Variants in DNMT3A observed in about 807,000 individuals in gnomAD.
DNMT3A encodes DNA methyltransferase 3 alpha.
In DNMT3A, 267 loss-of-function variants were observed where a neutral mutation model predicts 117.6. The observed-to-expected ratio is 2.27, with a 90% CI of 2.05 to 2.51. The LOEUF is 2.51. Ranked by LOEUF, DNMT3A falls within the 30% of genes most tolerant of loss-of-function variation. The pLI is 0.00. For missense variants in DNMT3A, 1,029 were observed against 1,260.2 expected (o/e 0.82, Z 2.78); for synonymous variants, 432 against 474.8 (o/e 0.91, Z 1.17).
intron 6 of DNMT3A, among the ~76,000 whole-genome samples, chr2:25,271,914 G>T (rs976295857): frequency 6.6e-6 from 1 of 152,212 alleles, no homozygotes; most frequent in Non-Finnish European, 1.5e-5. Context: ...CTGGAGCCAG[G>T]TGATGGCAAT....
At position 25,314,618 on chromosome 2, in the gene DNMT3A, G is replaced by A. The variant is rs1274442444; in HGVS notation, c.-177-457C>T. The A allele has an allele frequency of 3.0e-6, 3 of 985,258 alleles. No homozygotes were observed. In the African/African-American group the frequency reaches 5.2e-5, roughly 17 times the overall value. The allele number at this position is 985,258 out of a possible 1,614,324, so 61.0% of individuals were successfully genotyped here. ...CTCCCGCCACGTGGAGGAAGTGAGT[G>A]CAGTCACAGGATGTAGTGAAATGAA... On this transcript the variant is annotated intron_variant, in intron 1 of 22. Transcript: ENST00000321117.
At chr2:25,332,784 G>A (rs921206663) in intron 1 of DNMT3A, among the ~76,000 whole-genome samples, 3 of 152,254 alleles carry the variant, frequency 2.0e-5, no homozygotes, top group African/African-American at 7.2e-5. Flanking sequence ...CAGTTGGGCT[G>A]GGAACCACCA....
intron 6 of DNMT3A, 53 bp downstream of exon 6, chr2:25,274,888 T>C: frequency 6.4e-7 from 1 of 1,571,440 alleles, no homozygotes; most frequent in Non-Finnish European, 8.7e-7. Flanking sequence ...CCATCACTTC[T>C]GGTTTTCCAG....
chr2:25,264,128 T>G (rs1359576987), intron 6 of DNMT3A, among the ~76,000 whole-genome samples: 4 of 134,470 alleles, frequency 3.0e-5, no homozygotes, highest in Non-Finnish European at 6.4e-5. Flanking sequence ...TGGACAACCC[T>G]TTGGTTTTTT....
At chr2:25,263,939 C>T (rs2029922642) in intron 6 of DNMT3A, among the ~76,000 whole-genome samples, 1 of 152,174 alleles carries the variant, frequency 6.6e-6, no homozygotes. Context: ...AACAACCCTG[C>T]CCTGGCTACA....
At chr2:25,288,360 G>A (rs1402174893) in intron 3 of DNMT3A, among the ~76,000 whole-genome samples, 2 of 151,958 alleles carry the variant, frequency 1.3e-5, no homozygotes, top group African/African-American at 2.4e-5. Context: ...GAACCTAGGA[G>A]GCAGAGCTTG....
In DNMT3A at chr2:25,232,128, GTATT is replaced by G. The variant is rs1672906918; in HGVS notation, c.*2147_*2150del. On this transcript the variant is annotated 3_prime_UTR_variant, in exon 23 of 23. Coordinates refer to ENST00000321117, the MANE Select transcript of DNMT3A (RefSeq NM_022552.5). The surrounding 1 kb of genome is among the most constrained non-coding windows in gnomAD (Gnocchi z 4.1). ...ATTTCTTAAACATGACCCTATCTAT[GTATT>G]TATAGAGCGCCTATCACTGTAGGCC... is the stretch of plus-strand genomic sequence containing the variant. The G allele has an allele frequency of 6.6e-6, 1 of 152,086 alleles. No homozygotes were observed. The highest frequency in any genetic ancestry group is 1.5e-5 in the Non-Finnish European group (1 of 68,008). The allele number at this position is 152,086 out of a possible 1,614,324, so 9.4% of individuals were successfully genotyped here.
At chr2:25,278,618 G>C (rs1303359002) in intron 4 of DNMT3A, among the ~76,000 whole-genome samples, 1 of 152,194 alleles carries the variant, frequency 6.6e-6, no homozygotes, top group East Asian at 1.9e-4. Flanking sequence ...TTGAGATCAG[G>C]AGTCCACGAC....
At chr2:25,302,603 T>C (rs1041866820) in intron 2 of DNMT3A, among the ~76,000 whole-genome samples, 2 of 152,142 alleles carry the variant, frequency 1.3e-5, no homozygotes, top group African/African-American at 4.8e-5. Context: ...GGAGCCTTCA[T>C]GAGGGCTCAG....
In DNMT3A at chr2:25,252,833, A is replaced by C. The variant is rs73920659; in HGVS notation, c.640-4581T>G. 3.4e-3 allele frequency among the ~76,000 whole-genome samples: 514 copies of C among 151,454 alleles called. 4 individuals are homozygous for C. The highest frequency in any genetic ancestry group is 0.011 in the African/African-American group (465 of 41,306). ...AGGAAGCTGTAGGAAAACTCAGCACACAGACGGAGAGTGACAGCAGGCGCG... is the reference window on the plus strand; with the variant it reads ...AGGAAGCTGTAGGAAAACTCAGCACCCAGACGGAGAGTGACAGCAGGCGCG... On this transcript the variant is annotated intron_variant, in intron 6 of 22. Coordinates refer to ENST00000321117, the MANE Select transcript of DNMT3A (RefSeq NM_022552.5). This position sits in a 1 kb window ranked among gnomAD's most constrained non-coding sequence, Gnocchi z 5.5.
intron 1 of DNMT3A, among the ~76,000 whole-genome samples, chr2:25,325,334 G>A (rs913925686): frequency 6.6e-6 from 1 of 152,210 alleles, no homozygotes; most frequent in Non-Finnish European, 1.5e-5. Flanking sequence ...CAGGGGCACA[G>A]GGTGGCACAG....
Position 25,337,596 on chromosome 2 carries a change from T to C in DNMT3A, c.-178+4230A>G, listed in dbSNP as rs570293596. ...CTCAAGCTGCCTTGACACTGGCTCA[T>C]GTGGAAGCAAGTCCTACCCATCCAC... On this transcript the variant is annotated intron_variant, in intron 1 of 22. Transcript: ENST00000321117. This position sits in a 1 kb window ranked among gnomAD's most constrained non-coding sequence, Gnocchi z 5.0. Among the ~76,000 whole-genome samples, 83 of 152,344 alleles carry C rather than the reference T, an allele frequency of 5.4e-4. No individual in the cohort carries two copies. The highest frequency in any genetic ancestry group is 1.9e-3 in the African/African-American group (77 of 41,592).
rs1174183975 is a variant in DNMT3A at position 25,286,653 on chromosome 2, A to T, written c.178-3942T>A. Among the ~76,000 whole-genome samples the T allele has an allele frequency of 6.6e-6, 1 of 152,260 alleles. No homozygotes were observed. Among genetic ancestry groups the T allele is most frequent in the African/African-American group, 2.4e-5 (1 of 41,464 alleles). On this transcript the variant is annotated intron_variant, in intron 3 of 22. Transcript: ENST00000321117. This position sits in a 1 kb window ranked among gnomAD's most constrained non-coding sequence, Gnocchi z 4.3. ...CCCTCAATGGGGCTCTCTGGGGCTCAGGGTGACCAGCAGGACAAAACCATC... is the reference window on the plus strand; with the variant it reads ...CCCTCAATGGGGCTCTCTGGGGCTCTGGGTGACCAGCAGGACAAAACCATC...
chr2:25,235,743 TC>T lies in DNMT3A; in HGVS notation c.2560del (p.Glu854ArgfsTer27). On this transcript the variant is annotated frameshift_variant, in exon 22 of 23. Transcript: ENST00000321117. LOFTEE classifies it high-confidence loss of function. ...KDQHFPVFMN[E>X]KEDILWCTEM... is the part of the protein sequence containing the mutation. ...AGTGCACCATAAGATGTCCTCTTTC[TC>T]ATTCATGAAGACAGGAAAATGCTGG... The T allele has an allele frequency of 6.2e-7, 1 of 1,614,180 alleles. No individual in the cohort carries two copies. Among genetic ancestry groups the T allele is most frequent in the Non-Finnish European group, 8.5e-7 (1 of 1,180,012 alleles).
chr2:25,333,221 T>G (rs1400958270), intron 1 of DNMT3A, among the ~76,000 whole-genome samples: 3 of 34,728 alleles, frequency 8.6e-5, no homozygotes, highest in African/African-American at 3.4e-4. Context: ...CTGTGGCCCC[T>G]GACTCCCAGC....
At chr2:25,319,662 C>A (rs1327783792) in intron 1 of DNMT3A, among the ~76,000 whole-genome samples, 1 of 152,240 alleles carries the variant, frequency 6.6e-6, no homozygotes, top group African/African-American at 2.4e-5. Flanking sequence ...CCGTCATCAC[C>A]ATGCCCTCTG....
Position 25,312,142 on chromosome 2 carries a change from C to T in DNMT3A, c.72+1771G>A, listed in dbSNP as rs1244404815. Among the ~76,000 whole-genome samples the T allele has an allele frequency of 2.0e-5, 3 of 152,284 alleles. 1 individual carries two copies. The highest frequency in any genetic ancestry group is 4.1e-4 in the South Asian group (2 of 4,822). Reference sequence around the variant, plus strand: ...AGAGTGGGGCGACACTCGGGGTCACCTTATCCGACAGAGAAAGCAAGCCAG... The same window carrying T: ...AGAGTGGGGCGACACTCGGGGTCACTTTATCCGACAGAGAAAGCAAGCCAG... On this transcript the variant is annotated intron_variant, in intron 2 of 22. Transcript: ENST00000321117.
chr2:25,251,005 T>C (rs2149321015), intron 6 of DNMT3A, among the ~76,000 whole-genome samples: 1 of 151,886 alleles, frequency 6.6e-6, no homozygotes, highest in East Asian at 1.9e-4. Flanking sequence ...CCCCCACAAC[T>C]TCCCCCAGCT....
intron 4 of DNMT3A, among the ~76,000 whole-genome samples, chr2:25,280,290 A>ACTCCCCGCCTCCCCACCCCCCGC: frequency 8.0e-6 from 1 of 124,294 alleles, no homozygotes; most frequent in Non-Finnish European, 1.7e-5. Context: ...CACACTGCCC[A>ACTCCCCGCCTCCCCACCCCCCGC]CTCCCCGCCT....
Sources: allele counts gnomAD v4.1 joint callset (sites outside exome capture counted in the v4.1 genomes callset), GRCh38; gene constraint gnomAD v4.1.1; non-coding constraint Gnocchi (gnomAD v3.1); transcripts MANE v1.5; gene names NCBI Gene and HGNC (gene_info 2026-07-23, HGNC 2026-07-21).